BMAL1: variants seen among roughly 807,000 people sequenced by gnomAD.
The protein encoded by BMAL1 is basic helix-loop-helix ARNT-like protein 1.
At chr11:13,353,248 T>A in the BMAL1 span, 3 of 154,758 alleles carry the variant, frequency 1.9e-5, no homozygotes. Flanking sequence ...GTCACCCCAT[T>A]GGTCGCCAGA....
the BMAL1 span, chr11:13,355,158 C>G: frequency 7.0e-7 from 1 of 1,437,696 alleles, no homozygotes; most frequent in Non-Finnish European, 9.6e-7. Flanking sequence ...AAGAGGTTTT[C>G]TTTTGTTTAA....
chr11:13,338,231 GA>G, the BMAL1 span, among the ~76,000 whole-genome samples: 38 of 150,834 alleles, frequency 2.5e-4, no homozygotes, highest in East Asian at 2.5e-3. Flanking sequence ...ACAAATGAAG[GA>G]AAAAAAACAA....
chr11:13,277,605 T>C, the BMAL1 span: 1 of 151,080 alleles, frequency 6.6e-6, no homozygotes, highest in African/African-American at 2.4e-5. Context: ...CGCGCGCGGA[T>C]TGGCTGGGGG....
chr11:13,385,287 C>T, the BMAL1 span, among the ~76,000 whole-genome samples: 1 of 152,228 alleles, frequency 6.6e-6, no homozygotes, highest in African/African-American at 2.4e-5. Context: ...TGTCTCTTCA[C>T]AGCTTGTTAA....
At chr11:13,375,154 A>T in the BMAL1 span, among the ~76,000 whole-genome samples, 2 of 152,224 alleles carry the variant, frequency 1.3e-5, no homozygotes, top group Non-Finnish European at 2.9e-5. Flanking sequence ...TGCCTGGCAC[A>T]TGAGAAGGGC....
At chr11:13,323,828 G>A in the BMAL1 span, among the ~76,000 whole-genome samples, 2 of 152,116 alleles carry the variant, frequency 1.3e-5, no homozygotes, top group African/African-American at 4.8e-5. Context: ...TGTTGGCCAG[G>A]CTGGTCTCAA....
chr11:13,367,706 G>GAAA, the BMAL1 span, among the ~76,000 whole-genome samples: 92 of 86,142 alleles, frequency 1.1e-3, no homozygotes, highest in African/African-American at 3.9e-3. Flanking sequence ...CTCTGTCTCA[G>GAAA]AAAAAAAAAA....
chr11:13,330,738 A>G, the BMAL1 span, among the ~76,000 whole-genome samples: 3 of 152,248 alleles, frequency 2.0e-5, no homozygotes, highest in Non-Finnish European at 4.4e-5. Flanking sequence ...TGTCCATTAT[A>G]CTTAGCTGCA....
the BMAL1 span, among the ~76,000 whole-genome samples, chr11:13,302,702 T>G: frequency 6.6e-6 from 1 of 152,206 alleles, no homozygotes; most frequent in Non-Finnish European, 1.5e-5. Context: ...CACAAAGTGA[T>G]CTCTCGTCAT....
chr11:13,352,348 C>G, the BMAL1 span, among the ~76,000 whole-genome samples: 1 of 152,122 alleles, frequency 6.6e-6, no homozygotes, highest in African/African-American at 2.4e-5. Flanking sequence ...CCAGCCATGT[C>G]CTGTTACACA....
the BMAL1 span, among the ~76,000 whole-genome samples, chr11:13,288,306 C>T: frequency 1.9e-4 from 29 of 151,958 alleles, 1 homozygote; most frequent in African/African-American, 6.8e-4. Context: ...AAAATAAGGC[C>T]ATGGGAGCTC....
At chr11:13,355,487 C>CT in the BMAL1 span, among the ~76,000 whole-genome samples, 8 of 152,322 alleles carry the variant, frequency 5.3e-5, no homozygotes, top group East Asian at 1.5e-3. Flanking sequence ...TCATCTGGAC[C>CT]TGTGGGTTCC....
chr11:13,336,109 T>G, the BMAL1 span, among the ~76,000 whole-genome samples: 1 of 152,226 alleles, frequency 6.6e-6, no homozygotes, highest in African/African-American at 2.4e-5. Flanking sequence ...CCTAGAAATG[T>G]CCTTTTACAT....
chr11:13,325,657 T>TTGTGTTTGTGTGTGTGTGTGTG, the BMAL1 span, among the ~76,000 whole-genome samples: 32 of 134,408 alleles, frequency 2.4e-4, no homozygotes, highest in African/African-American at 8.5e-4. Flanking sequence ...TTGAGACCTT[T>TTGTGTTTGTGTGTGTGTGTGTG]TGTGTGTGTG....
chr11:13,378,477 C>T, the BMAL1 span: 2 of 1,592,270 alleles, frequency 1.3e-6, no homozygotes, highest in Non-Finnish European at 1.7e-6. Context: ...CTCTGTTAAA[C>T]CAGTGGTTCT....
the BMAL1 span, chr11:13,381,253 A>T: frequency 6.2e-7 from 1 of 1,613,812 alleles, no homozygotes; most frequent in Non-Finnish European, 8.5e-7. Context: ...GGAGGCAAGA[A>T]GGTAAGACTG....
At chr11:13,372,358 A>C in the BMAL1 span, 2 of 1,614,124 alleles carry the variant, frequency 1.2e-6, no homozygotes, top group African/African-American at 2.7e-5. Flanking sequence ...AAATCTATGG[A>C]ATATGTTTCT....
the BMAL1 span, among the ~76,000 whole-genome samples, chr11:13,348,057 G>A: frequency 2.6e-5 from 4 of 152,178 alleles, no homozygotes; most frequent in Admixed American, 6.5e-5. Context: ...GTCACAGGGC[G>A]TGAAGGAGCC....
chr11:13,371,416 C>G, the BMAL1 span, among the ~76,000 whole-genome samples: 1 of 152,280 alleles, frequency 6.6e-6, no homozygotes, highest in Non-Finnish European at 1.5e-5. Flanking sequence ...AGAAATTTCT[C>G]CTGCTTTCTT....
Sources: gnomAD v4.1 joint callset for allele counts (sites outside exome capture counted in the v4.1 genomes callset) on GRCh38, gnomAD v4.1.1 for gene constraint, MANE v1.5 for transcripts, NCBI Gene and HGNC (gene_info 2026-07-23, HGNC 2026-07-21) for gene names.